Variants in PCSK5 observed in about 807,000 individuals in gnomAD.
PCSK5 encodes prohormone convertase 5.
Under a neutral mutation model 233.2 loss-of-function variants are expected in PCSK5, and 129 were observed. The observed-to-expected ratio is 0.55, with a 90% CI of 0.48 to 0.64. The LOEUF is 0.64. Ranked by LOEUF, PCSK5 falls within the 30% of genes least tolerant of loss-of-function variation. PCSK5 has a pLI of 0.00. For missense variants in PCSK5, 2,076 were observed against 2,430.1 expected (o/e 0.85, Z 3.06); for synonymous variants, 825 against 879.2 (o/e 0.94, Z 1.09).
chr9:75,935,882 T>C (rs921950254), intron 2 of PCSK5, among the ~76,000 whole-genome samples: 2 of 152,210 alleles, frequency 1.3e-5, no homozygotes, highest in African/African-American at 4.8e-5. Flanking sequence ...TTACTGGTAG[T>C]GTTAACTTTG....
At chr9:76,354,317 A>C in intron 37 of PCSK5, 98 bp downstream of exon 37, 1 of 915,418 alleles carries the variant, frequency 1.1e-6, no homozygotes, top group Non-Finnish European at 1.6e-6. Flanking sequence ...AGGAGAATCA[A>C]TATGGCTACC....
chr9:76,073,781 CG>C (rs1830556101), intron 7 of PCSK5, among the ~76,000 whole-genome samples: 1 of 152,036 alleles, frequency 6.6e-6, no homozygotes, highest in Admixed American at 6.6e-5. Flanking sequence ...GACTAGTAGG[CG>C]TGTCACTGAA....
chr9:75,964,482 G>A lies in PCSK5; in HGVS notation c.298-21650G>A, dbSNP rs575245491. 5.3e-5 allele frequency among the ~76,000 whole-genome samples: 8 copies of A among 152,256 alleles called. No homozygotes were observed. In the East Asian group the frequency reaches 1.5e-3, roughly 29 times the overall value. On this transcript the variant is annotated intron_variant, in intron 2 of 37. Coordinates refer to ENST00000674117, the MANE Select transcript of PCSK5 (RefSeq NM_001372043.1). ...CTTGAGATAAAAGCAATGAAATAAAGCTTGTGTTTAGGACACAGTTGAAAA... is the reference window on the plus strand; with the variant it reads ...CTTGAGATAAAAGCAATGAAATAAAACTTGTGTTTAGGACACAGTTGAAAA...
intron 7 of PCSK5, among the ~76,000 whole-genome samples, chr9:76,074,916 A>G (rs552794772): frequency 6.6e-6 from 1 of 152,234 alleles, no homozygotes; most frequent in South Asian, 2.1e-4. Context: ...CTGTTGGGGT[A>G]GATTAAAAAT....
chr9:76,351,941 T>C (rs1830178255), intron 36 of PCSK5, among the ~76,000 whole-genome samples: 1 of 152,044 alleles, frequency 6.6e-6, no homozygotes. Context: ...CCCTCGCTAT[T>C]GTCACTTCTG....
chr9:76,329,272 A>T lies in PCSK5; in HGVS notation c.4570+1033A>T, dbSNP rs533208450. On this transcript the variant is annotated intron_variant, in intron 33 of 37. Coordinates refer to ENST00000674117, the MANE Select transcript of PCSK5 (RefSeq NM_001372043.1). Reference sequence around the variant, plus strand: ...TGCCTCAGCCTCCCAAGTAGATGGGATGGGATTACAGGCATGAACCACCAT... The same window carrying T: ...TGCCTCAGCCTCCCAAGTAGATGGGTTGGGATTACAGGCATGAACCACCAT... Among the ~76,000 whole-genome samples the T allele has an allele frequency of 7.9e-5, 12 of 152,008 alleles. No individual in the cohort carries two copies. The South Asian group carries it at 2.5e-3, about 32-fold the overall frequency.
chr9:76,289,494 C>CGCA (rs1203520117), intron 24 of PCSK5, among the ~76,000 whole-genome samples: 72 of 128,128 alleles, frequency 5.6e-4, no homozygotes, highest in Middle Eastern at 3.9e-3. Context: ...CACACACACA[C>CGCA]ACACACACAC....
chr9:76,167,291 A>T lies in PCSK5; in HGVS notation c.1620-2413A>T, dbSNP rs562944007. 4.6e-5 allele frequency among the ~76,000 whole-genome samples: 7 copies of T among 152,336 alleles called. No homozygotes were observed. The East Asian group carries it at 1.4e-3, about 29-fold the overall frequency. ...CATGTCCAGGTAAACTTTGAAAATC[A>T]CTGCCTCCCAGTTAACCCCATTATG... is the stretch of plus-strand genomic sequence containing the variant. On this transcript the variant is annotated intron_variant, in intron 12 of 37. Transcript: ENST00000674117.
chr9:76,232,875 A>C (rs1826138176), intron 21 of PCSK5, among the ~76,000 whole-genome samples: 1 of 152,146 alleles, frequency 6.6e-6, no homozygotes, highest in Non-Finnish European at 1.5e-5. Flanking sequence ...AGAAAAGGAG[A>C]CTGCAGTACT....
intron 13 of PCSK5, among the ~76,000 whole-genome samples, chr9:76,172,422 A>C (rs757881792): frequency 3.3e-5 from 5 of 152,230 alleles, no homozygotes; most frequent in Non-Finnish European, 7.3e-5. Flanking sequence ...AGTGAATCAT[A>C]GTAGAGGTTC....
At chr9:76,084,537 C>T (rs192757772) in intron 7 of PCSK5, among the ~76,000 whole-genome samples, 21 of 152,246 alleles carry the variant, frequency 1.4e-4, no homozygotes, top group Non-Finnish European at 2.5e-4. Context: ...TGGTTTGGTT[C>T]GTTCTGTTTA....
chr9:76,168,586 C>G (rs894101988), intron 12 of PCSK5, among the ~76,000 whole-genome samples: 1 of 152,142 alleles, frequency 6.6e-6, no homozygotes, highest in Non-Finnish European at 1.5e-5. Context: ...CTATTTCAAG[C>G]AGGAAGAGAT....
At chr9:75,963,043 A>G (rs1338671135) in intron 2 of PCSK5, among the ~76,000 whole-genome samples, 1 of 151,912 alleles carries the variant, frequency 6.6e-6, no homozygotes, top group East Asian at 1.9e-4. Context: ...TGCCAACCAC[A>G]CTCCTAATAC....
At chr9:75,952,971 A>G (rs112386845) in intron 2 of PCSK5, among the ~76,000 whole-genome samples, 4 of 152,176 alleles carry the variant, frequency 2.6e-5, no homozygotes, top group African/African-American at 9.7e-5. Flanking sequence ...TTCCAGGGGT[A>G]TGAACTCTGT....
At chr9:76,311,579 T>C (rs1828866906) in intron 30 of PCSK5, among the ~76,000 whole-genome samples, 1 of 152,064 alleles carries the variant, frequency 6.6e-6, no homozygotes, top group Admixed American at 6.6e-5. Context: ...CTACCAATAG[T>C]CCCACCTCCA....
In PCSK5 at chr9:76,175,301, A is replaced by G. The variant is rs62556621; in HGVS notation, c.1900+172A>G. The G allele has an allele frequency of 6.2e-5, 34 of 544,048 alleles. 1 individual carries two copies. Among genetic ancestry groups the G allele is most frequent in the East Asian group, 3.4e-4 (11 of 32,352 alleles). The allele number at this position is 544,048 out of a possible 1,614,324, so 33.7% of individuals were successfully genotyped here. ...CGAATCGAATCGAATCGAATAGAAT[A>G]GAATAGAATAGAACAGAACAGAATA... On this transcript the variant is annotated intron_variant, in intron 14 of 37. Transcript: ENST00000674117.
chr9:76,352,890 A>C (rs915288620), intron 36 of PCSK5, among the ~76,000 whole-genome samples: 5 of 46,042 alleles, frequency 1.1e-4, no homozygotes, highest in African/African-American at 2.5e-4. Context: ...AAAAAATACA[A>C]AAAAAAAAAA....
At chr9:76,295,786 G>A (rs182574266) in intron 26 of PCSK5, among the ~76,000 whole-genome samples, 2 of 152,294 alleles carry the variant, frequency 1.3e-5, no homozygotes, top group Non-Finnish European at 2.9e-5. Context: ...CCCATGCACT[G>A]TAAGAATCTA....
chr9:75,940,606 A>C (rs1225051009), intron 2 of PCSK5, among the ~76,000 whole-genome samples: 2 of 152,186 alleles, frequency 1.3e-5, no homozygotes, highest in African/African-American at 4.8e-5. Flanking sequence ...TCAGGATTAG[A>C]TTTTCAGGTG....
Sources: allele counts gnomAD v4.1 joint callset (sites outside exome capture counted in the v4.1 genomes callset), GRCh38; gene constraint gnomAD v4.1.1; transcripts MANE v1.5; gene names NCBI Gene and HGNC (gene_info 2026-07-23, HGNC 2026-07-21).